CHCHD4: variants seen among roughly 807,000 people sequenced by gnomAD.
CHCHD4 encodes coiled-coil-helix-coiled-coil-helix domain containing 4, also known as mitochondrial intermembrane space import and assembly protein 40.
Under a neutral mutation model 12.4 loss-of-function variants are expected in CHCHD4, and 7 were observed. That is an observed-to-expected ratio of 0.57 (90% CI 0.32 to 1.06). The LOEUF is 1.06. CHCHD4 is among the 50% of genes least tolerant of loss of function. The pLI is 0.04. For missense variants in CHCHD4, 143 were observed against 175.1 expected (o/e 0.82, Z 1.03); for synonymous variants, 56 against 58.0 (o/e 0.97, Z 0.16).
intron 1 of CHCHD4, among the ~76,000 whole-genome samples, chr3:14,117,652 GTTTCTCCAGCT>G (rs1456738138): frequency 6.6e-6 from 1 of 152,192 alleles, no homozygotes; most frequent in Non-Finnish European, 1.5e-5. Flanking sequence ...TGGGTCATCA[GTTTCTCCAGCT>G]GTCCCCAGAG....
intron 2 of CHCHD4, among the ~76,000 whole-genome samples, chr3:14,113,400 C>A (rs1008885592): frequency 3.3e-5 from 5 of 152,182 alleles, no homozygotes; most frequent in Non-Finnish European, 7.3e-5. Flanking sequence ...CATATTTCTC[C>A]ACGTGTGACA....
At position 14,114,730 on chromosome 3, in the gene CHCHD4, GCA is replaced by G. The variant is rs1459491027; in HGVS notation, c.122-1538_122-1537del. 2.6e-5 allele frequency among the ~76,000 whole-genome samples: 4 copies of G among 152,248 alleles called. No individual in the cohort carries two copies. The East Asian group carries it at 7.7e-4, about 29-fold the overall frequency. On this transcript the variant is annotated intron_variant, in intron 2 of 2. Transcript: ENST00000396914. ...GTCCTTGTTTCATTGTTTCTTAGGG[GCA>G]GGTAAGCTGGAATGAGATACCTCCT...
rs750347112 is a variant in CHCHD4, at chr3:14,116,504, C to G, written c.43G>C (p.Val15Leu). 3.7e-6 allele frequency: 6 copies of G among 1,612,302 alleles called. No homozygotes were observed. The highest frequency in any genetic ancestry group is 1.1e-5 in the South Asian group (1 of 91,040). Reference protein sequence around the residue: ...RQEGKDRIIFVTKEDHETPSS... With the variant: ...RQEGKDRIIFLTKEDHETPSS... ...GGAGTTTCATGATCTTCTTTGGTTA[C>G]AAATATGATTCGATCCTTCCCTAGT... The change falls in exon 2 of 3, where the codon GTA becomes CTA. Residue 15 changes from valine to leucine, a missense_variant. Physicochemically the swap from Val to Leu is conservative, Grantham distance 32. Transcript: ENST00000396914.
chr3:14,120,570 G>A (rs960649479), intron 1 of CHCHD4, among the ~76,000 whole-genome samples: 1 of 152,020 alleles, frequency 6.6e-6, no homozygotes, highest in African/African-American at 2.4e-5. Context: ...CCCTTATCCC[G>A]CTTTATCTTT....
chr3:14,112,762 A>G lies in CHCHD4; in HGVS notation c.*125T>C, dbSNP rs1473368313. 1 of 902,164 alleles carries G rather than the reference A, an allele frequency of 1.1e-6. No individual in the cohort carries two copies. The highest frequency in any genetic ancestry group is 2.7e-5 in the East Asian group (1 of 37,580). 55.9% of individuals were successfully genotyped at this position (902,164 alleles called of 1,614,324 possible). On this transcript the variant is annotated 3_prime_UTR_variant, in exon 3 of 3. Transcript: ENST00000396914. The stretch of plus-strand genomic sequence containing the variant: ...GACCTCAAGACCTCTGATCATCAAA[A>G]TAAGTTATTTTGTATATTATAATGC...
intron 1 of CHCHD4, chr3:14,121,820 C>G: frequency 1.3e-6 from 2 of 1,597,526 alleles, no homozygotes; most frequent in African/African-American, 1.3e-5. Flanking sequence ...AGATACAACT[C>G]CCCCATACAG....
rs1467766589 is a variant in CHCHD4 at position 14,112,481 on chromosome 3, G to A, written c.*406C>T. 6.0e-6 allele frequency: 1 copy of A among 165,466 alleles called. No individual in the cohort carries two copies. The highest frequency in any genetic ancestry group is 6.0e-5 in the Admixed American group (1 of 16,570). 10.2% of individuals were successfully genotyped at this position (165,466 alleles called of 1,614,324 possible). A position where few individuals can be genotyped will look rare whatever the true frequency, so the allele number is the denominator to read the frequency against. ...TATGGCCCCATCCCAGCATTTTTAA[G>A]AGATGTTTTTGTTGTATTATTTCCC... On this transcript the variant is annotated 3_prime_UTR_variant, in exon 3 of 3. Coordinates refer to ENST00000396914, the MANE Select transcript of CHCHD4 (RefSeq NM_001098502.2).
chr3:14,114,796 A>C lies in CHCHD4; in HGVS notation c.122-1602T>G, dbSNP rs544997734. ...GTGCCAATTTGCATTTCAGGGACAC[A>C]ATATAAATCCACACAGAGGGTACCT... On this transcript the variant is annotated intron_variant, in intron 2 of 2. Coordinates refer to ENST00000396914, the MANE Select transcript of CHCHD4 (RefSeq NM_001098502.2). 4.7e-4 allele frequency among the ~76,000 whole-genome samples: 72 copies of C among 152,248 alleles called. 2 individuals carry two copies. The Middle Eastern group carries it at 0.01, about 22-fold the overall frequency.
Position 14,112,720 on chromosome 3 carries a change from A to G in CHCHD4, c.*167T>C, listed in dbSNP as rs1389893119. The G allele has an allele frequency of 1.6e-5, 10 of 635,366 alleles. No homozygotes were observed. The highest frequency in any genetic ancestry group is 2.4e-5 in the South Asian group (1 of 41,188). The allele number at this position is 635,366 out of a possible 1,614,324, so 39.4% of individuals were successfully genotyped here. A position where few individuals can be genotyped will look rare whatever the true frequency, so the allele number is the denominator to read the frequency against. ...ATACAACCCCCATTTTTTTCAGTGTATATGTCAAGATGTCAAGACCTCAAG... is the reference window on the plus strand; with the variant it reads ...ATACAACCCCCATTTTTTTCAGTGTGTATGTCAAGATGTCAAGACCTCAAG... On this transcript the variant is annotated 3_prime_UTR_variant, in exon 3 of 3. Coordinates refer to ENST00000396914, the MANE Select transcript of CHCHD4 (RefSeq NM_001098502.2).
chr3:14,114,984 GA>G (rs1694861102), intron 2 of CHCHD4, among the ~76,000 whole-genome samples: 1 of 152,108 alleles, frequency 6.6e-6, no homozygotes, highest in Non-Finnish European at 1.5e-5. Flanking sequence ...TTGATTCTAG[GA>G]AAATTAATTC....
chr3:14,118,328 T>C (rs1188778534), intron 1 of CHCHD4, among the ~76,000 whole-genome samples: 1 of 152,198 alleles, frequency 6.6e-6, no homozygotes, highest in East Asian at 1.9e-4. Flanking sequence ...CTTTATACTT[T>C]TTGTTTATAT....
At chr3:14,114,250 G>A (rs1039567709) in intron 2 of CHCHD4, among the ~76,000 whole-genome samples, 3 of 152,116 alleles carry the variant, frequency 2.0e-5, no homozygotes, top group Admixed American at 6.5e-5. Flanking sequence ...TGTAAAATGG[G>A]GACAGCAAGG....
chr3:14,124,717 G>A lies in CHCHD4; in HGVS notation c.-41C>T. On this transcript the variant is annotated 5_prime_UTR_variant, in exon 1 of 3. Transcript: ENST00000396914. ...CTGAGACCTTGCAGAAGCGGCGGTGGCGGCAGCTGCACCTTTACGCCGTGA... is the reference window on the plus strand; with the variant it reads ...CTGAGACCTTGCAGAAGCGGCGGTGACGGCAGCTGCACCTTTACGCCGTGA... 1.3e-6 allele frequency: 2 copies of A among 1,514,438 alleles called. No individual in the cohort carries two copies. Among genetic ancestry groups the A allele is most frequent in the South Asian group, 1.2e-5 (1 of 80,402 alleles). The allele number at this position is 1,514,438 out of a possible 1,614,324, so 93.8% of individuals were successfully genotyped here. A position where few individuals can be genotyped will look rare whatever the true frequency, so the allele number is the denominator to read the frequency against.
At chr3:14,122,278 A>G (rs1694943900) in intron 1 of CHCHD4, among the ~76,000 whole-genome samples, 1 of 152,240 alleles carries the variant, frequency 6.6e-6, no homozygotes, top group Non-Finnish European at 1.5e-5. Flanking sequence ...GACAGTCTGT[A>G]ATCATGCATT....
At chr3:14,119,658 C>T (rs1161772454) in intron 1 of CHCHD4, among the ~76,000 whole-genome samples, 1 of 152,154 alleles carries the variant, frequency 6.6e-6, no homozygotes, top group Non-Finnish European at 1.5e-5. Context: ...CTAAGATAAG[C>T]TTTAAAAGCA....
At chr3:14,124,426 G>A (rs763211104) in intron 1 of CHCHD4, among the ~76,000 whole-genome samples, 2 of 152,180 alleles carry the variant, frequency 1.3e-5, no homozygotes, top group African/African-American at 2.4e-5. Flanking sequence ...GTCAGGGTTC[G>A]GGCTTCACTG....
Position 14,124,795 on chromosome 3 carries a change from C to T in CHCHD4, c.-119G>A, listed in dbSNP as rs1172375676. On this transcript the variant is annotated 5_prime_UTR_variant, in exon 1 of 3. Transcript: ENST00000396914. ...CCTCCGAAGCCCGCGCGGACCCGCC[C>T]CCTCCCAGGCCTGCCCGCCGCGCGC... The T allele has an allele frequency of 5.1e-6, 6 of 1,186,198 alleles. No homozygotes were observed. In the South Asian group the frequency reaches 6.3e-5, roughly 13 times the overall value. 73.5% of individuals were successfully genotyped at this position (1,186,198 alleles called of 1,614,324 possible).
intron 2 of CHCHD4, among the ~76,000 whole-genome samples, chr3:14,115,000 A>G (rs1369452789): frequency 6.6e-6 from 1 of 151,972 alleles, no homozygotes; most frequent in African/African-American, 2.4e-5. Context: ...TAATTCTGCC[A>G]CCTTTTTTCT....
In CHCHD4 at chr3:14,112,838, CA is replaced by C. The variant is rs1694835036; in HGVS notation, c.*48del. On this transcript the variant is annotated 3_prime_UTR_variant, in exon 3 of 3. Transcript: ENST00000396914. ...TGGAAGGTGATGACAAGGCCTTTTG[CA>C]AAAGGTCCACTCCAAAAGGACTGGT... The C allele has an allele frequency of 1.3e-6, 2 of 1,538,316 alleles. No homozygotes were observed. The highest frequency in any genetic ancestry group is 2.5e-5 in the South Asian group (2 of 78,872).
Sources: allele counts gnomAD v4.1 joint callset (sites outside exome capture counted in the v4.1 genomes callset), GRCh38; gene constraint gnomAD v4.1.1; transcripts MANE v1.5; gene names NCBI Gene and HGNC (gene_info 2026-07-23, HGNC 2026-07-21).